FOCAD: variants seen among roughly 807,000 people sequenced by gnomAD.
FOCAD encodes focadhesin, also known as KIAA1797.
In FOCAD, 198 loss-of-function variants were observed where a neutral mutation model predicts 225.6. The ratio of observed to expected loss-of-function variants is 0.88; its 90% CI spans 0.78 to 0.99. FOCAD has a LOEUF of 0.99. FOCAD is among the 50% of genes least tolerant of loss of function. The probability of loss-of-function intolerance (pLI) is 0.00; values close to 1 mark genes in which losing one functional copy is unlikely to be tolerated. For missense variants in FOCAD, 2,713 were observed against 2,123.6 expected (o/e 1.28, Z -5.46); for synonymous variants, 897 against 755.0 (o/e 1.19, Z -3.08).
At chr9:20,696,663 G>T (rs1029054093) in intron 1 of FOCAD, among the ~76,000 whole-genome samples, 1 of 152,110 alleles carries the variant, frequency 6.6e-6, no homozygotes, top group South Asian at 2.1e-4. Flanking sequence ...AAATTAGCTG[G>T]GCATGGTGGC....
chr9:20,897,526 A>G (rs1832197484), intron 21 of FOCAD, among the ~76,000 whole-genome samples: 1 of 151,080 alleles, frequency 6.6e-6, no homozygotes, highest in Admixed American at 6.6e-5. Flanking sequence ...TTAGCATATC[A>G]GTTATGTTTC....
intron 4 of FOCAD, among the ~76,000 whole-genome samples, chr9:20,721,968 T>TCC (rs1232453009): frequency 3.7e-5 from 1 of 26,688 alleles, no homozygotes; most frequent in Non-Finnish European, 7.2e-5. Context: ...CTCCCTTCTT[T>TCC]TTTCTCCCCT....
chr9:20,747,484 G>C (rs1464973113), intron 5 of FOCAD, among the ~76,000 whole-genome samples: 1 of 152,072 alleles, frequency 6.6e-6, no homozygotes. Flanking sequence ...AAGCGTACAA[G>C]TCAGTAGATT....
chr9:20,717,681 A>G, intron 2 of FOCAD, 113 bp from the exon 3 acceptor site: 1 of 755,534 alleles, frequency 1.3e-6, no homozygotes, highest in Non-Finnish European at 2.2e-6. Context: ...CACTTAGTTA[A>G]TGGGAATTTT....
At chr9:20,980,469 TTTGA>T (rs1163738978) in intron 37 of FOCAD, among the ~76,000 whole-genome samples, 1 of 146,466 alleles carries the variant, frequency 6.8e-6, no homozygotes, top group Non-Finnish European at 1.5e-5. Flanking sequence ...TGCATTTGTC[TTTGA>T]TTATTTATCT....
At chr9:20,870,962 G>C (rs1472263676) in intron 18 of FOCAD, among the ~76,000 whole-genome samples, 2 of 152,162 alleles carry the variant, frequency 1.3e-5, no homozygotes, top group African/African-American at 2.4e-5. Context: ...CAGCACTTTG[G>C]GAGGCCAAGG....
At chr9:20,767,592 T>C (rs1377122237) in intron 7 of FOCAD, among the ~76,000 whole-genome samples, 7 of 151,498 alleles carry the variant, frequency 4.6e-5, no homozygotes, top group African/African-American at 1.2e-4. Flanking sequence ...TGAGGATTTT[T>C]TCATGTGTTT....
Position 20,722,003 on chromosome 9 carries a change from C to CCCTT in FOCAD, c.287+1487_287+1490dup, listed in dbSNP as rs1281657181. On this transcript the variant is annotated intron_variant, in intron 4 of 43. Coordinates refer to ENST00000338382, the MANE Select transcript of FOCAD (RefSeq NM_001375567.1). ...TCCTTCCCTCCCTCCCTCCCTCCCT[C>CCCTT]CCTTCCTTCCTTCCTTCCTTCTTTC... Among the ~76,000 whole-genome samples the CCCTT allele has an allele frequency of 2.9e-4, 29 of 99,326 alleles. 1 individual carries two copies. The highest frequency in any genetic ancestry group is 4.7e-4 in the South Asian group (1 of 2,108). The allele number at this position is 99,326 out of a possible 152,430, so 65.2% of individuals were successfully genotyped here.
At chr9:20,941,420 T>TA (rs2132297318) in intron 28 of FOCAD, among the ~76,000 whole-genome samples, 1 of 152,350 alleles carries the variant, frequency 6.6e-6, no homozygotes, top group East Asian at 1.9e-4. Flanking sequence ...AAGCGCTATA[T>TA]AAATGTTAAC....
chr9:20,663,474 A>AACACACACACACAC (rs367867901), intron 2 of FOCAD, among the ~76,000 whole-genome samples: 4 of 149,048 alleles, frequency 2.7e-5, no homozygotes, highest in African/African-American at 7.4e-5. Flanking sequence ...TGTGTGCATG[A>AACACACACACACAC]ACACACACAC....
At chr9:20,988,562 C>G (rs1453696510) in intron 41 of FOCAD, 133 bp downstream of exon 41, 1 of 358,592 alleles carries the variant, frequency 2.8e-6, no homozygotes, top group East Asian at 4.5e-5. Flanking sequence ...AAAATATATG[C>G]TCCCAAAAGA....
At chr9:20,913,078 A>G in intron 23 of FOCAD, 124 bp downstream of exon 23, 1 of 683,136 alleles carries the variant, frequency 1.5e-6, no homozygotes, top group Non-Finnish European at 2.5e-6. Flanking sequence ...TGAAGGGGAA[A>G]TGACAGAAGA....
chr9:20,832,867 T>G (rs1825648821), intron 15 of FOCAD, among the ~76,000 whole-genome samples: 1 of 152,064 alleles, frequency 6.6e-6, no homozygotes, highest in South Asian at 2.1e-4. Flanking sequence ...ACACTTAGGT[T>G]GTTTCCATAT....
In FOCAD at chr9:20,889,234, G is replaced by C. The variant is rs139112639; in HGVS notation, c.2625+4004G>C. Among the ~76,000 whole-genome samples, 5 of 152,210 alleles carry C rather than the reference G, an allele frequency of 3.3e-5. No homozygotes were observed. The East Asian group carries it at 9.6e-4, about 29-fold the overall frequency. ...ATATAAATACCATCATACAATACAT[G>C]GTTTTTAATGTCTGGCTTCTTTCAC... is the stretch of plus-strand genomic sequence containing the variant. On this transcript the variant is annotated intron_variant, in intron 21 of 43. Coordinates refer to ENST00000338382, the MANE Select transcript of FOCAD (RefSeq NM_001375567.1).
Position 20,692,987 on chromosome 9 carries a change from A to G in FOCAD, c.-33+8694A>G, listed in dbSNP as rs796786141. 5.9e-5 allele frequency among the ~76,000 whole-genome samples: 9 copies of G among 152,296 alleles called. 1 individual carries two copies. The highest frequency in any genetic ancestry group is 2.2e-4 in the African/African-American group (9 of 41,562). On this transcript the variant is annotated intron_variant, in intron 1 of 43. Coordinates refer to ENST00000338382, the MANE Select transcript of FOCAD (RefSeq NM_001375567.1). ...GGATTGCTTCTATCTTTCCCCTTACAGTATTGTCAGAACAGCAGCCAGAGT... is the reference window on the plus strand; with the variant it reads ...GGATTGCTTCTATCTTTCCCCTTACGGTATTGTCAGAACAGCAGCCAGAGT...
upstream of FOCAD, among the ~76,000 whole-genome samples, chr9:20,679,712 A>G (rs1235377774): frequency 2.0e-5 from 3 of 152,232 alleles, no homozygotes; most frequent in Non-Finnish European, 1.5e-5. Context: ...GAACAGAAAT[A>G]CTATCTGCCT....
chr9:20,702,761 A>G (rs115834939), intron 1 of FOCAD, among the ~76,000 whole-genome samples: 2,287 of 152,278 alleles, frequency 0.015, 57 homozygotes, highest in African/African-American at 0.052. Flanking sequence ...CCTGTGGGAA[A>G]TGGAGTTAAT....
intron 11 of FOCAD, among the ~76,000 whole-genome samples, chr9:20,815,406 A>T (rs1419479579): frequency 6.6e-6 from 1 of 151,050 alleles, no homozygotes; most frequent in Non-Finnish European, 1.5e-5. Flanking sequence ...CGGCCTCCCA[A>T]AGTGTTGGGA....
intron 1 of FOCAD, among the ~76,000 whole-genome samples, chr9:20,706,606 A>G (rs902246608): frequency 6.6e-6 from 1 of 152,206 alleles, no homozygotes; most frequent in Admixed American, 6.5e-5. Flanking sequence ...TTCTCACTTG[A>G]ACTCTGTCAT....
Sources: allele counts gnomAD v4.1 joint callset (sites outside exome capture counted in the v4.1 genomes callset), GRCh38; gene constraint gnomAD v4.1.1; transcripts MANE v1.5; gene names NCBI Gene and HGNC (gene_info 2026-07-23, HGNC 2026-07-21).